ATP9B: variants seen among roughly 807,000 people sequenced by gnomAD.
The protein encoded by ATP9B is probable phospholipid-transporting ATPase IIB.
ATP9B carries 110 observed loss-of-function variants against 146.1 expected under a neutral mutation model. The ratio of observed to expected loss-of-function variants is 0.75; its 90% CI spans 0.65 to 0.88. The LOEUF is 0.88. Among genes scored for constraint, ATP9B ranks in the 40% least tolerant of loss-of-function variants. ATP9B has a pLI of 0.00. For synonymous variants in ATP9B, 604 were observed against 569.7 expected, an observed-to-expected ratio of 1.06 and a Z score of -0.86; for missense variants, 1,499 against 1,496.4, an observed-to-expected ratio of 1.00 and a Z score of -0.03.
chr18:79,288,569 A>G (rs981311484), intron 13 of ATP9B, among the ~76,000 whole-genome samples: 66 of 151,930 alleles, frequency 4.3e-4, no homozygotes, highest in African/African-American at 9.9e-4. Flanking sequence ...TCTTTATCCA[A>G]TTTGCCAGTC....
At chr18:79,217,180 G>GTTTA (rs1240182800) in intron 11 of ATP9B, among the ~76,000 whole-genome samples, 25 of 152,140 alleles carry the variant, frequency 1.6e-4, no homozygotes, top group Admixed American at 1.0e-3. Context: ...TTCTTTGTTT[G>GTTTA]TTTATTTATT....
intron 23 of ATP9B, 21 bp downstream of exon 23, chr18:79,345,860 A>G (rs767901833): frequency 6.2e-7 from 1 of 1,613,178 alleles, no homozygotes; most frequent in Non-Finnish European, 8.5e-7. Context: ...CCTTTTATCA[A>G]CACATTAGCA....
At chr18:79,222,160 C>T (rs1410194243) in intron 11 of ATP9B, among the ~76,000 whole-genome samples, 1 of 151,932 alleles carries the variant, frequency 6.6e-6, no homozygotes, top group East Asian at 1.9e-4. Context: ...GCAGAGACCA[C>T]CAGCCTGCCC....
At chr18:79,198,451 A>G (rs1053254034) in intron 9 of ATP9B, among the ~76,000 whole-genome samples, 7 of 152,228 alleles carry the variant, frequency 4.6e-5, no homozygotes, top group African/African-American at 1.4e-4. Flanking sequence ...TGCACTAATA[A>G]CAGAGCTGCA....
chr18:79,363,584 G>A (rs62097668), intron 26 of ATP9B: 34,409 of 151,850 alleles, frequency 0.23, 4,478 homozygotes, highest in East Asian at 0.45. Flanking sequence ...ATTGAGAGGC[G>A]TAAGCAGATG....
intron 2 of ATP9B, among the ~76,000 whole-genome samples, chr18:79,109,818 G>C (rs956480354): frequency 6.6e-6 from 1 of 151,904 alleles, no homozygotes; most frequent in African/African-American, 2.4e-5. Flanking sequence ...CGCCTGCCTC[G>C]GCCTCCCAAA....
At chr18:79,355,048 G>A (rs928646640) in intron 25 of ATP9B, among the ~76,000 whole-genome samples, 1 of 152,250 alleles carries the variant, frequency 6.6e-6, no homozygotes, top group Non-Finnish European at 1.5e-5. Flanking sequence ...TGGAATGGGA[G>A]GAGGCAGGAC....
At chr18:79,127,532 A>G (rs910241017) in intron 5 of ATP9B, among the ~76,000 whole-genome samples, 1 of 152,212 alleles carries the variant, frequency 6.6e-6, no homozygotes, top group Non-Finnish European at 1.5e-5. Flanking sequence ...AGTAGCATTC[A>G]TCAGTACTTC....
At chr18:79,324,492 A>T (rs371423564) in intron 15 of ATP9B, among the ~76,000 whole-genome samples, 1 of 152,112 alleles carries the variant, frequency 6.6e-6, no homozygotes, top group Non-Finnish European at 1.5e-5. Context: ...TTAATTTTTC[A>T]GTCCACCCAC....
At chr18:79,172,627 C>T (rs1164755052) in intron 7 of ATP9B, among the ~76,000 whole-genome samples, 1 of 152,148 alleles carries the variant, frequency 6.6e-6, no homozygotes, top group African/African-American at 2.4e-5. Context: ...TGATTACAGG[C>T]GTAGCCACCG....
chr18:79,159,491 C>T (rs2094845204), intron 7 of ATP9B, among the ~76,000 whole-genome samples: 3 of 152,112 alleles, frequency 2.0e-5, no homozygotes, highest in Admixed American at 2.0e-4. Context: ...CCACAGTGTT[C>T]CCGTTGACTA....
At chr18:79,191,126 A>G (rs1251449733) in intron 8 of ATP9B, among the ~76,000 whole-genome samples, 1 of 151,690 alleles carries the variant, frequency 6.6e-6, no homozygotes, top group African/African-American at 2.4e-5. Flanking sequence ...TGCCTTCCAC[A>G]CCCTCCACCC....
rs529024799 is a variant in ATP9B at position 79,079,528 on chromosome 18, C to T, written c.119+9999C>T. Among the ~76,000 whole-genome samples, 11 of 152,198 alleles carry T rather than the reference C, an allele frequency of 7.2e-5. 1 individual carries two copies. In the South Asian group the frequency reaches 1.7e-3, roughly 23 times the overall value. ...TTTTTTCTTGTAAATTTAAGTTCCT[C>T]GTAGATTCTGCATATTAGCCCTTTG... On this transcript the variant is annotated intron_variant, in intron 1 of 29. Transcript: ENST00000426216.
intron 20 of ATP9B, 148 bp downstream of exon 20, chr18:79,342,514 C>G: frequency 2.1e-6 from 1 of 485,060 alleles, no homozygotes; most frequent in Middle Eastern, 6.0e-4. Context: ...TAACAGCACA[C>G]CAGCATGGCA....
chr18:79,315,825 G>T (rs1392173181), intron 15 of ATP9B, among the ~76,000 whole-genome samples: 2 of 152,206 alleles, frequency 1.3e-5, no homozygotes, highest in East Asian at 3.9e-4. Flanking sequence ...ACTTAACTGT[G>T]TTGCTAAGCA....
At chr18:79,351,647 A>G (rs1409617157) in intron 25 of ATP9B, among the ~76,000 whole-genome samples, 1 of 152,200 alleles carries the variant, frequency 6.6e-6, no homozygotes, top group Non-Finnish European at 1.5e-5. Context: ...TTCCACAAAT[A>G]TGGTTTTCAT....
chr18:79,131,830 A>G (rs2094382641), intron 5 of ATP9B, among the ~76,000 whole-genome samples: 1 of 152,230 alleles, frequency 6.6e-6, no homozygotes, highest in Non-Finnish European at 1.5e-5. Context: ...ACCTCAAAAC[A>G]TTATGCTATG....
chr18:79,375,730 G>T, intron 29 of ATP9B: 1 of 985,400 alleles, frequency 1.0e-6, no homozygotes, highest in Non-Finnish European at 1.2e-6. Flanking sequence ...GGGCTGAGCT[G>T]CTGGAAAACA....
intron 6 of ATP9B, among the ~76,000 whole-genome samples, chr18:79,148,577 A>G (rs1490461662): frequency 6.6e-6 from 1 of 152,218 alleles, no homozygotes; most frequent in Non-Finnish European, 1.5e-5. Context: ...AGGTTGGATT[A>G]GAGGGACAGT....
Sources: gnomAD v4.1 joint callset for allele counts (sites outside exome capture counted in the v4.1 genomes callset) on GRCh38, gnomAD v4.1.1 for gene constraint, MANE v1.5 for transcripts, NCBI Gene and HGNC (gene_info 2026-07-23, HGNC 2026-07-21) for gene names.